Variants in PLCG2 observed in about 807,000 individuals in gnomAD.
PLCG2 encodes phospholipase C gamma 2.
In PLCG2, 69 loss-of-function variants were observed where a neutral mutation model predicts 175.6. The observed-to-expected ratio is 0.39, with a 90% CI of 0.32 to 0.48. The LOEUF (loss-of-function observed/expected upper bound fraction) is 0.48, where lower values mean the gene tolerates loss of function less well. Among genes scored for constraint, PLCG2 ranks in the 20% least tolerant of loss-of-function variants. The probability of loss-of-function intolerance (pLI) is 0.91; values close to 1 mark genes in which losing one functional copy is unlikely to be tolerated. For synonymous variants in PLCG2, 827 were observed against 624.0 expected (o/e 1.33, Z -4.85); for missense variants, 1,798 against 1,650.9 (o/e 1.09, Z -1.54).
intron 2 of PLCG2, among the ~76,000 whole-genome samples, chr16:81,792,741 C>G (rs751509559): frequency 6.6e-6 from 1 of 151,962 alleles, no homozygotes; most frequent in East Asian, 1.9e-4. Context: ...CTCACTATCA[C>G]GAGAACAGCA....
chr16:81,923,252 C>T lies in PLCG2; in HGVS notation c.2308-233C>T, dbSNP rs566620805. On this transcript the variant is annotated intron_variant, in intron 21 of 32. Coordinates refer to ENST00000564138, the MANE Select transcript of PLCG2 (RefSeq NM_002661.5). ...TAACTCCTAACCCCTAACCCTTAAC[C>T]CCAACCCAGGTACCCTTGGCTCTGA... 3.4e-4 allele frequency among the ~76,000 whole-genome samples: 52 copies of T among 152,306 alleles called. 1 individual carries two copies. The South Asian group carries it at 9.7e-3, about 29-fold the overall frequency.
intron 3 of PLCG2, among the ~76,000 whole-genome samples, chr16:81,857,745 C>T (rs1321536100): frequency 6.6e-6 from 1 of 152,164 alleles, no homozygotes; most frequent in Non-Finnish European, 1.5e-5. Flanking sequence ...GTTAGAGATT[C>T]AACATATGAA....
intron 2 of PLCG2, among the ~76,000 whole-genome samples, chr16:81,810,755 G>C (rs1904311040): frequency 6.6e-6 from 1 of 151,870 alleles, no homozygotes; most frequent in Non-Finnish European, 1.5e-5. Flanking sequence ...ACTATCTATG[G>C]ATCATTTGCT....
intron 1 of PLCG2, among the ~76,000 whole-genome samples, chr16:81,780,996 C>A (rs768957669): frequency 1.3e-5 from 2 of 151,996 alleles, no homozygotes; most frequent in Admixed American, 6.6e-5. Context: ...CACTGCACTC[C>A]AGCCTGGGTG....
At chr16:81,853,235 G>A (rs543114282) in intron 2 of PLCG2, among the ~76,000 whole-genome samples, 1 of 152,124 alleles carries the variant, frequency 6.6e-6, no homozygotes, top group African/African-American at 2.4e-5. Context: ...TGAGGCTCAG[G>A]CAGGATAATT....
chr16:81,784,716 C>G (rs1910893314), intron 1 of PLCG2, among the ~76,000 whole-genome samples: 1 of 152,116 alleles, frequency 6.6e-6, no homozygotes, highest in Non-Finnish European at 1.5e-5. Flanking sequence ...CTTGTTTAAG[C>G]CTTACAAAAA....
chr16:81,836,018 T>C (rs75529606), intron 2 of PLCG2, among the ~76,000 whole-genome samples: 8,917 of 152,270 alleles, frequency 0.059, 343 homozygotes, highest in Non-Finnish European at 0.084. Flanking sequence ...GAAGGCCACA[T>C]TCACACATAC....
intron 2 of PLCG2, among the ~76,000 whole-genome samples, chr16:81,826,083 C>T (rs1472718881): frequency 1.3e-5 from 2 of 152,216 alleles, no homozygotes; most frequent in Admixed American, 6.5e-5. Flanking sequence ...GTCACCAAAA[C>T]AACGGAGATC....
At chr16:81,850,590 T>C (rs772694212) in intron 2 of PLCG2, among the ~76,000 whole-genome samples, 2 of 152,122 alleles carry the variant, frequency 1.3e-5, no homozygotes, top group Non-Finnish European at 2.9e-5. Context: ...TGCCCAGGCA[T>C]AAGAGAAGCA....
rs1910627429 is a variant in PLCG2, at chr16:81,779,411, G to A, written c.-61G>A. On this transcript the variant is annotated 5_prime_UTR_variant, in exon 1 of 33. Coordinates refer to ENST00000564138, the MANE Select transcript of PLCG2 (RefSeq NM_002661.5). ...CGGGGCAGGCGGGCAGCTGTGCCCG[G>A]GCGGCACGGCCAGGTGAGCTGCCCG... The A allele has an allele frequency of 6.6e-6, 1 of 151,446 alleles. No homozygotes were observed. Among genetic ancestry groups the A allele is most frequent in the Admixed American group, 6.6e-5 (1 of 15,214 alleles). 9.4% of individuals were successfully genotyped at this position (151,446 alleles called of 1,614,324 possible).
intron 28 of PLCG2, chr16:81,938,500 C>T: frequency 1.2e-5 from 5 of 425,708 alleles, no homozygotes; most frequent in Non-Finnish European, 2.1e-5. Flanking sequence ...TTAAGCTCTG[C>T]CTTGATCAGA....
chr16:81,869,177 C>G (rs1907390731), intron 5 of PLCG2, 37 bp from the exon 6 acceptor site: 1 of 1,537,948 alleles, frequency 6.5e-7, no homozygotes, highest in Non-Finnish European at 9.0e-7. Flanking sequence ...TGTTGAAAAC[C>G]CTCAAGGTGA....
chr16:81,910,866 C>A, intron 18 of PLCG2, 146 bp downstream of exon 18: 1 of 717,834 alleles, frequency 1.4e-6, no homozygotes, highest in Non-Finnish European at 2.4e-6. Context: ...CCGAGGTGGC[C>A]AGTTTCCAAA....
chr16:81,936,701 C>G (rs1310690056), intron 27 of PLCG2, among the ~76,000 whole-genome samples: 1 of 152,204 alleles, frequency 6.6e-6, no homozygotes, highest in East Asian at 1.9e-4. Flanking sequence ...AGGCCTGTTG[C>G]TGTGTGAGGG....
chr16:81,763,821 G>C (rs924616854), intron 2 of PLCG2, among the ~76,000 whole-genome samples: 1 of 151,000 alleles, frequency 6.6e-6, no homozygotes, highest in Admixed American at 6.6e-5. Flanking sequence ...AGAAAAATTA[G>C]CTGGGCGTGG....
intron 11 of PLCG2, among the ~76,000 whole-genome samples, chr16:81,893,304 G>A (rs1157564040): frequency 6.6e-6 from 1 of 152,196 alleles, no homozygotes; most frequent in Non-Finnish European, 1.5e-5. Flanking sequence ...TTCTGTGCCT[G>A]GCCTCAAGCC....
intron 5 of PLCG2, among the ~76,000 whole-genome samples, chr16:81,863,469 C>T (rs944245240): frequency 6.6e-6 from 1 of 152,234 alleles, no homozygotes; most frequent in African/African-American, 2.4e-5. Context: ...ACTTGAGTTG[C>T]TTCCACGTTT....
In PLCG2 at chr16:81,961,065, G is replaced by A. The variant is rs1242046214; in HGVS notation, c.*3067G>A. On this transcript the variant is annotated 3_prime_UTR_variant, in exon 33 of 33. Coordinates refer to ENST00000564138, the MANE Select transcript of PLCG2 (RefSeq NM_002661.5). ...TTATCAACAGGGCACAAATCTTTTT[G>A]CAAATGGATTTTCCAAGTTTTTCTG... The A allele has an allele frequency of 4.3e-6, 1 of 231,356 alleles. No homozygotes were observed. The highest frequency in any genetic ancestry group is 2.2e-5 in the African/African-American group (1 of 45,262). 14.3% of individuals were successfully genotyped at this position (231,356 alleles called of 1,614,324 possible).
At chr16:81,916,480 A>G (rs1428962909) in intron 19 of PLCG2, among the ~76,000 whole-genome samples, 2 of 152,162 alleles carry the variant, frequency 1.3e-5, no homozygotes, top group Non-Finnish European at 2.9e-5. Flanking sequence ...ATTGACAAAT[A>G]AAAGTTGTTT....
Sources: allele counts gnomAD v4.1 joint callset (sites outside exome capture counted in the v4.1 genomes callset), GRCh38; gene constraint gnomAD v4.1.1; transcripts MANE v1.5; gene names NCBI Gene and HGNC (gene_info 2026-07-23, HGNC 2026-07-21).